Variants in RBFOX1 observed in about 807,000 individuals in gnomAD.
RBFOX1 encodes RNA binding protein fox-1 homolog 1.
RBFOX1 carries 8 observed loss-of-function variants against 57.7 expected under a neutral mutation model. That is an observed-to-expected ratio of 0.14 (90% CI 0.08 to 0.25). The LOEUF is 0.25. Ranked by LOEUF, RBFOX1 falls within the 10% of genes least tolerant of loss-of-function variation. The pLI is 1.00. For synonymous variants in RBFOX1, 326 were observed against 222.4 expected (o/e 1.47, Z -4.15); for missense variants, 611 against 548.5 (o/e 1.11, Z -1.14).
intron 1 of RBFOX1, among the ~76,000 whole-genome samples, chr16:6,147,639 G>A (rs183636120): frequency 1.8e-4 from 28 of 152,090 alleles, no homozygotes; most frequent in Non-Finnish European, 2.6e-4. Flanking sequence ...CATCAAGGTT[G>A]GGGAAAAAAA....
At chr16:5,534,070 T>A (rs2044593160) in intron 2 of RBFOX1, among the ~76,000 whole-genome samples, 1 of 152,140 alleles carries the variant, frequency 6.6e-6, no homozygotes, top group Non-Finnish European at 1.5e-5. Flanking sequence ...CCACATCTAC[T>A]GCTGCCACCT....
intron 3 of RBFOX1, among the ~76,000 whole-genome samples, chr16:5,694,315 A>T (rs2050783486): frequency 6.6e-6 from 1 of 152,154 alleles, no homozygotes; most frequent in Non-Finnish European, 1.5e-5. Flanking sequence ...TCACTGTTTT[A>T]CCTTGTCATT....
At chr16:7,513,271 T>C (rs1420135638) in intron 4 of RBFOX1, among the ~76,000 whole-genome samples, 1 of 17,654 alleles carries the variant, frequency 5.7e-5, no homozygotes, top group African/African-American at 1.2e-4. Flanking sequence ...GTCAAAAAAA[T>C]AAAAATAAAA....
intron 4 of RBFOX1, among the ~76,000 whole-genome samples, chr16:7,113,171 A>G (rs991658078): frequency 8.5e-5 from 13 of 152,196 alleles, no homozygotes; most frequent in African/African-American, 3.1e-4. Context: ...CTAAATAAAT[A>G]CACAGATACA....
intron 4 of RBFOX1, among the ~76,000 whole-genome samples, chr16:5,919,898 A>T (rs2058784319): frequency 1.3e-5 from 2 of 152,078 alleles, no homozygotes; most frequent in South Asian, 4.2e-4. Flanking sequence ...TTTTTCACTG[A>T]GCATAATGTG....
At chr16:6,100,387 T>C (rs940570479) in intron 1 of RBFOX1, among the ~76,000 whole-genome samples, 4 of 152,208 alleles carry the variant, frequency 2.6e-5, no homozygotes, top group South Asian at 2.1e-4. Context: ...TGGTCTCGAT[T>C]TCCTGACCGC....
chr16:5,650,151 C>T (rs374973739), intron 3 of RBFOX1, among the ~76,000 whole-genome samples: 1 of 152,218 alleles, frequency 6.6e-6, no homozygotes, highest in Non-Finnish European at 1.5e-5. Flanking sequence ...CAGCCTCCAG[C>T]CCCCACCCCC....
At chr16:6,561,225 C>G (rs911041070) in intron 2 of RBFOX1, among the ~76,000 whole-genome samples, 2 of 152,072 alleles carry the variant, frequency 1.3e-5, no homozygotes, top group South Asian at 2.1e-4. Context: ...CTGCTGTCTA[C>G]TAGGGAAAAG....
intron 4 of RBFOX1, among the ~76,000 whole-genome samples, chr16:7,511,367 C>T (rs531693187): frequency 6.6e-6 from 1 of 152,240 alleles, no homozygotes; most frequent in East Asian, 1.9e-4. Context: ...GAAAAAACAA[C>T]GACAACAACA....
chr16:6,664,736 G>C (rs1187778023), intron 3 of RBFOX1, among the ~76,000 whole-genome samples: 1 of 152,226 alleles, frequency 6.6e-6, no homozygotes, highest in African/African-American at 2.4e-5. Context: ...GAGATACTCA[G>C]TTGGTGGAGA....
chr16:6,568,081 G>A (rs1458137587), intron 2 of RBFOX1, among the ~76,000 whole-genome samples: 1 of 152,156 alleles, frequency 6.6e-6, no homozygotes, highest in East Asian at 1.9e-4. Context: ...TAAGGTCTTT[G>A]ACAGTGCAGC....
intron 2 of RBFOX1, among the ~76,000 whole-genome samples, chr16:6,637,535 T>G (rs2098455096): frequency 4.6e-5 from 1 of 21,836 alleles, no homozygotes; most frequent in African/African-American, 9.5e-5. Flanking sequence ...TTCTGTATAG[T>G]ATATACAATC....
At chr16:5,648,820 T>C (rs1308884878) in intron 3 of RBFOX1, among the ~76,000 whole-genome samples, 2 of 152,162 alleles carry the variant, frequency 1.3e-5, no homozygotes, top group East Asian at 3.9e-4. Context: ...TCCCAGCACT[T>C]CGGGAGGCCA....
intron 4 of RBFOX1, among the ~76,000 whole-genome samples, chr16:7,332,588 G>C (rs1412210818): frequency 6.6e-6 from 1 of 151,972 alleles, no homozygotes; most frequent in Non-Finnish European, 1.5e-5. Context: ...CCCATCCCTT[G>C]CTCTTTTGGC....
At chr16:5,691,038 A>C (rs763970482) in intron 3 of RBFOX1, among the ~76,000 whole-genome samples, 5 of 152,170 alleles carry the variant, frequency 3.3e-5, no homozygotes, top group Admixed American at 6.5e-5. Flanking sequence ...GAGTACAGTG[A>C]CACAGAGATG....
intron 3 of RBFOX1, among the ~76,000 whole-genome samples, chr16:6,888,021 G>C (rs184067849): frequency 2.6e-5 from 4 of 152,144 alleles, no homozygotes; most frequent in South Asian, 4.2e-4. Flanking sequence ...TTGGGTGATT[G>C]ATTTGAGGTG....
At chr16:5,876,856 A>G (rs977343422) in intron 4 of RBFOX1, among the ~76,000 whole-genome samples, 7 of 152,168 alleles carry the variant, frequency 4.6e-5, no homozygotes, top group South Asian at 2.1e-4. Flanking sequence ...CCAAGGATTC[A>G]CCATGTTTTA....
intron 1 of RBFOX1, among the ~76,000 whole-genome samples, chr16:5,430,569 A>G (rs190013409): frequency 9.2e-5 from 14 of 152,294 alleles, no homozygotes; most frequent in Non-Finnish European, 1.8e-4. Context: ...CCTGTCCAGG[A>G]TTTAAACGCT....
chr16:7,000,794 C>T (rs527416255), intron 3 of RBFOX1, among the ~76,000 whole-genome samples: 7 of 151,654 alleles, frequency 4.6e-5, no homozygotes, highest in South Asian at 2.1e-4. Flanking sequence ...TTAGTAGAGA[C>T]GGTTTCACTG....
Sources: gnomAD v4.1 joint callset for allele counts (sites outside exome capture counted in the v4.1 genomes callset) on GRCh38, gnomAD v4.1.1 for gene constraint, MANE v1.5 for transcripts, NCBI Gene and HGNC (gene_info 2026-07-23, HGNC 2026-07-21) for gene names.